The following RAG1 variants were observed in gnomAD, a reference collection of about 807,000 sequenced individuals.
RAG1 encodes the protein recombination activating 1.
A neutral mutation model predicts 62.7 loss-of-function variants in RAG1; 35 were observed. The ratio of observed to expected loss-of-function variants is 0.56; its 90% confidence interval spans 0.43 to 0.74. The LOEUF (loss-of-function observed/expected upper bound fraction) is 0.74. Ranked by LOEUF, RAG1 falls within the 30% of genes least tolerant of loss-of-function variation. The pLI, the probability that RAG1 is intolerant of heterozygous loss-of-function variation, is 0.00. For missense variants in RAG1, 1,169 were observed against 1,278.6 expected, an observed-to-expected ratio of 0.91 and a Z score of 1.31; for synonymous variants, 461 against 470.3, an observed-to-expected ratio of 0.98 and a Z score of 0.26.
intron 2 of RAG1, among the ~76,000 whole-genome samples, chr11:36,533,599 T>G (rs2133258018): frequency 6.6e-6 from 1 of 152,318 alleles, no homozygotes; most frequent in South Asian, 2.1e-4. Context: ...TTTTCATGGA[T>G]TATTTTTTAG....
At chr11:36,528,763 A>G (rs1860206267) in intron 2 of RAG1, among the ~76,000 whole-genome samples, 2 of 152,142 alleles carry the variant, frequency 1.3e-5, no homozygotes, top group Admixed American at 6.6e-5. Flanking sequence ...CTAATAAAGA[A>G]GAAAAGAGAG....
intron 2 of RAG1, among the ~76,000 whole-genome samples, chr11:36,523,256 A>C (rs551317758): frequency 3.1e-4 from 47 of 152,302 alleles, no homozygotes; most frequent in Admixed American, 7.2e-4. Flanking sequence ...GAAATGATTG[A>C]ATCATGGGGG....
At chr11:36,567,785 C>T (rs1298279340), upstream of RAG1, among the ~76,000 whole-genome samples, 2 of 152,202 alleles carry the variant, frequency 1.3e-5, no homozygotes, top group Non-Finnish European at 2.9e-5. Flanking sequence ...CCAACCCAAA[C>T]ATTCTCAGGG....
intron 2 of RAG1, among the ~76,000 whole-genome samples, chr11:36,535,542 G>A (rs1028318778): frequency 2.6e-5 from 4 of 152,068 alleles, no homozygotes; most frequent in African/African-American, 7.2e-5. Context: ...TCAGGAGTTC[G>A]AGACCAGCCT....
At chr11:36,514,383 C>T (rs1859966988) in intron 1 of RAG1, among the ~76,000 whole-genome samples, 1 of 152,236 alleles carries the variant, frequency 6.6e-6, no homozygotes, top group South Asian at 2.1e-4. Flanking sequence ...TACAGCAGTG[C>T]AGCAGTCCCC....
At chr11:36,545,140 T>G (rs1004505209) in intron 3 of RAG1, among the ~76,000 whole-genome samples, 31 of 152,212 alleles carry the variant, frequency 2.0e-4, no homozygotes, top group African/African-American at 7.5e-4. Flanking sequence ...CAATAAATAA[T>G]TTTTTACACA....
chr11:36,537,157 C>T (rs1261607460), downstream of RAG1, among the ~76,000 whole-genome samples: 1 of 152,018 alleles, frequency 6.6e-6, no homozygotes, highest in Admixed American at 6.5e-5. Flanking sequence ...ATCTTTATAC[C>T]TGTTGAGCCT....
intron 2 of RAG1, among the ~76,000 whole-genome samples, chr11:36,521,443 A>T (rs1400581190): frequency 6.6e-6 from 1 of 152,196 alleles, no homozygotes; most frequent in African/African-American, 2.4e-5. Context: ...GTCTGCTGCC[A>T]TGTGAGATAT....
intron 3 of RAG1, among the ~76,000 whole-genome samples, chr11:36,559,743 T>C (rs764696404): frequency 7.2e-5 from 11 of 152,222 alleles, no homozygotes; most frequent in Middle Eastern, 6.3e-3. Flanking sequence ...GTCTCTTTGT[T>C]GAATTTCTCA....
chr11:36,569,181 C>A (rs1167930899), intron 1 of RAG1, among the ~76,000 whole-genome samples: 7 of 152,156 alleles, frequency 4.6e-5, no homozygotes, highest in African/African-American at 1.7e-4. Flanking sequence ...TGATATCACT[C>A]ACCAGAAACT....
chr11:36,539,086 C>G (rs1860375233), downstream of RAG1, among the ~76,000 whole-genome samples: 1 of 152,112 alleles, frequency 6.6e-6, no homozygotes, highest in African/African-American at 2.4e-5. Context: ...CACATTGAAG[C>G]CCAACCCCAG....
exon 2 of RAG1, chr11:36,520,193 A>T (rs1046485908): frequency 6.6e-6 from 1 of 152,214 alleles, no homozygotes; most frequent in Non-Finnish European, 1.5e-5. Context: ...TGCAGTGGGG[A>T]CGATGAGACC....
intron 2 of RAG1, among the ~76,000 whole-genome samples, chr11:36,524,465 T>A (rs1165337310): frequency 6.6e-6 from 1 of 151,866 alleles, no homozygotes; most frequent in Admixed American, 6.6e-5. Flanking sequence ...AAATATGTAG[T>A]TATATCTCAA....
Position 36,573,292 on chromosome 11 carries a change from T to C in RAG1, c.-13T>C. 1 of 1,614,096 alleles carries C rather than the reference T, an allele frequency of 6.2e-7. No homozygotes were observed. Among genetic ancestry groups the C allele is most frequent in the Middle Eastern group, 1.7e-4 (1 of 6,046 alleles). On this transcript the variant is annotated splice_region_variant and 5_prime_UTR_variant, in exon 2 of 2. Transcript: ENST00000299440. ...ATGACTTGTTTTCATTGTTCTCAGG[T>C]ACCTCAGCCAGCATGGCAGCCTCTT... is the stretch of plus-strand genomic sequence containing the variant.
downstream of RAG1, among the ~76,000 whole-genome samples, chr11:36,539,943 G>A (rs1313135043): frequency 6.6e-6 from 1 of 152,170 alleles, no homozygotes; most frequent in Non-Finnish European, 1.5e-5. Context: ...TAGCAGTTAT[G>A]TTCTATTTTG....
chr11:36,519,150 C>T (rs941699957), intron 1 of RAG1, among the ~76,000 whole-genome samples: 5 of 149,788 alleles, frequency 3.3e-5, no homozygotes, highest in Non-Finnish European at 7.5e-5. Flanking sequence ...TATTAAGGAC[C>T]ATTTACATTT....
chr11:36,535,641 G>A (rs1393624469), intron 2 of RAG1, among the ~76,000 whole-genome samples: 1 of 152,060 alleles, frequency 6.6e-6, no homozygotes, highest in African/African-American at 2.4e-5. Context: ...CTACTCAGGA[G>A]GCTGAGGCAG....
chr11:36,575,446 T>C lies in RAG1; in HGVS notation c.2142T>C (p.Leu714=). The change falls in exon 2 of 2, where the codon CTT becomes CTC. Residue 714 remains leucine, a synonymous_variant. Transcript: ENST00000299440. This position sits in a 1 kb window ranked among gnomAD's most constrained non-coding sequence, Gnocchi z 4.1. ...GGGGCACCGGCTATGATGAAAAACTTGTGCGGGAAGTGGAAGGCCTCGAGG... is the reference window on the plus strand; with the variant it reads ...GGGGCACCGGCTATGATGAAAAACTCGTGCGGGAAGTGGAAGGCCTCGAGG... ...IFRGTGYDEK[L]VREVEGLEAS... 1 of 1,614,142 alleles carries C rather than the reference T, an allele frequency of 6.2e-7. No individual in the cohort carries two copies. Among genetic ancestry groups the C allele is most frequent in the South Asian group, 1.1e-5 (1 of 91,072 alleles).
At chr11:36,548,816 A>G (rs566716114) in intron 3 of RAG1, among the ~76,000 whole-genome samples, 95 of 152,250 alleles carry the variant, frequency 6.2e-4, no homozygotes, top group African/African-American at 2.2e-3. Flanking sequence ...TATGGTCAAG[A>G]CAATTCTAAG....
Sources: gnomAD v4.1 joint callset for allele counts (sites outside exome capture counted in the v4.1 genomes callset) on GRCh38, gnomAD v4.1.1 for gene constraint, Gnocchi (gnomAD v3.1) non-coding constraint, MANE v1.5 for transcripts, NCBI Gene and HGNC (gene_info 2026-07-23, HGNC 2026-07-21) for gene names.